Variants in ABCE1 observed in about 807,000 individuals in gnomAD.
ABCE1 encodes the protein ATP binding cassette subfamily E member 1.
A neutral mutation model predicts 83.4 loss-of-function variants in ABCE1; 22 were observed. The ratio of observed to expected loss-of-function variants is 0.26; its 90% CI spans 0.19 to 0.38. The LOEUF (loss-of-function observed/expected upper bound fraction) is 0.38. ABCE1 is among the 10% of genes least tolerant of loss of function. The pLI is 1.00. For synonymous variants in ABCE1, 204 were observed against 233.7 expected (o/e 0.87, Z 1.16); for missense variants, 330 against 721.9 (o/e 0.46, Z 6.22).
At chr4:145,107,824 C>T (rs1749349885) in intron 3 of ABCE1, among the ~76,000 whole-genome samples, 191 bp from the exon 4 acceptor site, 1 of 152,094 alleles carries the variant, frequency 6.6e-6, no homozygotes, top group Admixed American at 6.6e-5. Context: ...TACTGAGAGA[C>T]AATTGATATA....
At chr4:145,122,839 G>T in intron 13 of ABCE1, 182 bp from the exon 14 acceptor site, 1 of 503,918 alleles carries the variant, frequency 2.0e-6, no homozygotes, top group Non-Finnish European at 3.5e-6. Context: ...TTTACTTGTT[G>T]GACATGATGG....
chr4:145,117,887 A>G (rs1749646408), intron 10 of ABCE1, among the ~76,000 whole-genome samples: 1 of 151,652 alleles, frequency 6.6e-6, no homozygotes, highest in Non-Finnish European at 1.5e-5. Context: ...GTGTATTAAA[A>G]TTTTCATTTA....
chr4:145,105,471 A>G, intron 2 of ABCE1, 134 bp from the exon 3 acceptor site: 2 of 586,028 alleles, frequency 3.4e-6, no homozygotes, highest in East Asian at 5.7e-5. Context: ...TCTCAAATGT[A>G]TTTCTTTGTG....
intron 2 of ABCE1, 23 bp downstream of exon 2, chr4:145,104,538 T>A (rs371330909): frequency 6.8e-7 from 1 of 1,469,102 alleles, no homozygotes; most frequent in Admixed American, 2.0e-5. Flanking sequence ...GTGGATCATT[T>A]AAGTATAAAA....
intron 12 of ABCE1, 39 bp from the exon 13 acceptor site, chr4:145,121,294 G>A: frequency 6.2e-7 from 1 of 1,611,952 alleles, no homozygotes. Context: ...TAAAGATCTG[G>A]GCAGTTTTTA....
intron 11 of ABCE1, chr4:145,120,864 A>G (rs540722940): frequency 2.0e-4 from 56 of 274,740 alleles, no homozygotes; most frequent in Non-Finnish European, 3.6e-4. Context: ...GTCTTAATAA[A>G]TTGTGTGCCC....
At chr4:145,122,828 T>G in intron 13 of ABCE1, 193 bp from the exon 14 acceptor site, 2 of 482,142 alleles carry the variant, frequency 4.1e-6, no homozygotes, top group Non-Finnish European at 7.4e-6. Context: ...AAAAATTCCT[T>G]TTTACTTGTT....
chr4:145,120,214 A>C, intron 11 of ABCE1, 61 bp downstream of exon 11: 1 of 1,454,110 alleles, frequency 6.9e-7, no homozygotes. Context: ...ATTAGTTTTA[A>C]CTGTTTTGTG....
At chr4:145,110,733 A>G (rs986474186) in intron 7 of ABCE1, 4 of 547,804 alleles carry the variant, frequency 7.3e-6, no homozygotes, top group Middle Eastern at 9.6e-4. Flanking sequence ...AAGTGCTAGG[A>G]TTACAGGCGT....
At chr4:145,119,655 T>C (rs913491789) in intron 10 of ABCE1, among the ~76,000 whole-genome samples, 2 of 151,998 alleles carry the variant, frequency 1.3e-5, no homozygotes, top group Admixed American at 1.3e-4. Flanking sequence ...AAGGACATCA[T>C]GTGCTCTCTT....
intron 1 of ABCE1, among the ~76,000 whole-genome samples, chr4:145,104,166 T>C (rs1749232668): frequency 6.6e-6 from 1 of 152,142 alleles, no homozygotes; most frequent in South Asian, 2.1e-4. Flanking sequence ...TTTCCTTATA[T>C]AAATCTTCTG....
intron 11 of ABCE1, 46 bp downstream of exon 11, chr4:145,120,199 A>C: frequency 6.6e-7 from 1 of 1,504,992 alleles, no homozygotes; most frequent in Non-Finnish European, 9.0e-7. Context: ...CTGTTTATCT[A>C]GTAAATTAGT....
intron 9 of ABCE1, among the ~76,000 whole-genome samples, chr4:145,115,825 T>G (rs1560961981): frequency 6.6e-6 from 1 of 151,954 alleles, no homozygotes; most frequent in Non-Finnish European, 1.5e-5. Context: ...ATTTTGTCAT[T>G]CAACAACTTT....
In ABCE1 at chr4:145,120,152, TG is replaced by T. The variant is rs1749703428; in HGVS notation, c.1144+1del. 1 of 1,599,762 alleles carries T rather than the reference TG, an allele frequency of 6.3e-7. No homozygotes were observed. Among genetic ancestry groups the T allele is most frequent in the African/African-American group, 1.4e-5 (1 of 73,904 alleles). On this transcript the variant is annotated frameshift_variant and splice_region_variant, in exon 11 of 18. Transcript: ENST00000296577. LOFTEE classifies it high-confidence loss of function. ...SEIMVMLGEN[G>X]TGKTTFIRML... The stretch of plus-strand genomic sequence containing the variant: ...AAATTATGGTGATGCTGGGGGAAAA[TG>T]GTAAGTTTTCTGTTTTGTGATAAGT...
rs780563137 is a variant in ABCE1, at chr4:145,108,030, G to A, written c.205G>A (p.Ala69Thr). ...TAAATAACAGAAATGCCCCTTTGGC[G>A]CCTTATCAATTGTCAATCTACCAAG... ...GICIKKCPFGALSIVNLPSNL... is the reference protein window; with the variant it reads ...GICIKKCPFGTLSIVNLPSNL... The change falls in exon 4 of 18, where the codon GCC becomes ACC. Residue 69 changes from alanine (A) to threonine (T), a missense_variant. Ala to Thr is a moderately conservative substitution (Grantham distance 58, BLOSUM62 0). Transcript: ENST00000296577. 13 of 1,612,762 alleles carry A rather than the reference G, an allele frequency of 8.1e-6. No individual in the cohort carries two copies. The East Asian group carries it at 8.9e-5, about 11-fold the overall frequency.
At chr4:145,123,155 T>G (rs781105097) in intron 14 of ABCE1, 24 bp downstream of exon 14, 46 of 1,579,832 alleles carry the variant, frequency 2.9e-5, no homozygotes, top group Middle Eastern at 3.9e-4. Flanking sequence ...ATTTTTTTTA[T>G]TTTTTTATTA....
Position 145,098,317 on chromosome 4 carries a change from A to G in ABCE1, c.-130A>G, listed in dbSNP as rs958008128. On this transcript the variant is annotated 5_prime_UTR_variant, in exon 1 of 18. Coordinates refer to ENST00000296577, the MANE Select transcript of ABCE1 (RefSeq NM_002940.3). ...GCGCGTGCGGCGGCTGGGCACCGCC[A>G]TTTTGGCCGGTGGCCGTGAGAACAC... 3 of 152,334 alleles carry G rather than the reference A, an allele frequency of 2.0e-5. No individual in the cohort carries two copies. Among genetic ancestry groups the G allele is most frequent in the Non-Finnish European group, 4.4e-5 (3 of 68,156 alleles). The allele number at this position is 152,334 out of a possible 1,614,324, so 9.4% of individuals were successfully genotyped here.
At chr4:145,119,856 C>G in intron 10 of ABCE1, 76 bp from the exon 11 acceptor site, 1 of 1,034,688 alleles carries the variant, frequency 9.7e-7, no homozygotes, top group Non-Finnish European at 1.5e-6. Context: ...AGTATATAGT[C>G]TATAGATTGC....
chr4:145,123,366 C>T lies in ABCE1; in HGVS notation c.1517+9C>T. Reference sequence around the variant, plus strand: ...GCTCGAGTTGTCAAACGGTAAATATCTTGCTCCTAGCCATATTTTGATTAT... The same window carrying T: ...GCTCGAGTTGTCAAACGGTAAATATTTTGCTCCTAGCCATATTTTGATTAT... On this transcript the variant is annotated intron_variant, in intron 15 of 17. Coordinates refer to ENST00000296577, the MANE Select transcript of ABCE1 (RefSeq NM_002940.3). 1 of 1,599,852 alleles carries T rather than the reference C, an allele frequency of 6.3e-7. No individual in the cohort carries two copies.
Sources: gnomAD v4.1 joint callset for allele counts (sites outside exome capture counted in the v4.1 genomes callset) on GRCh38, gnomAD v4.1.1 for gene constraint, MANE v1.5 for transcripts, NCBI Gene and HGNC (gene_info 2026-07-23, HGNC 2026-07-21) for gene names.